MMP13: variants seen among roughly 807,000 people sequenced by gnomAD.
MMP13 encodes matrix metallopeptidase 13.
In MMP13, 45 loss-of-function variants were observed where a neutral mutation model predicts 52.1. That is an observed-to-expected ratio of 0.86 (90% CI 0.68 to 1.11). The LOEUF (loss-of-function observed/expected upper bound fraction) is 1.11, where lower values mean the gene tolerates loss of function less well. Ranked by LOEUF, MMP13 falls within the 50% of genes least tolerant of loss-of-function variation. The pLI is 0.00. For synonymous variants in MMP13, 200 were observed against 204.4 expected (o/e 0.98, Z 0.18); for missense variants, 576 against 583.8 (o/e 0.99, Z 0.14).
chr11:102,950,262 T>C, intron 5 of MMP13, 35 bp from the exon 6 acceptor site: 6 of 1,490,538 alleles, frequency 4.0e-6, no homozygotes, highest in Non-Finnish European at 5.6e-6. Flanking sequence ...AAGTTATGAG[T>C]GTGACATTAC....
At chr11:102,954,318 T>A (rs1386473210) in intron 3 of MMP13, 37 bp from the exon 4 acceptor site, 1 of 1,613,418 alleles carries the variant, frequency 6.2e-7, no homozygotes, top group Admixed American at 1.7e-5. Context: ...TCTTATCACA[T>A]CCAGGAGTAC....
chr11:102,948,262 T>C (rs1386511778), intron 7 of MMP13, among the ~76,000 whole-genome samples: 3 of 152,204 alleles, frequency 2.0e-5, no homozygotes, highest in African/African-American at 7.2e-5. Context: ...CAATTATGAA[T>C]ATAGCTAATC....
intron 9 of MMP13, chr11:102,945,152 G>A (rs544614654): frequency 7.6e-6 from 3 of 394,390 alleles, no homozygotes; most frequent in Admixed American, 2.7e-5. Flanking sequence ...GCTGAGGCAG[G>A]AGAATCTCTT....
chr11:102,951,339 C>T (rs1860608428), intron 5 of MMP13, among the ~76,000 whole-genome samples: 1 of 152,136 alleles, frequency 6.6e-6, no homozygotes, highest in Admixed American at 6.5e-5. Context: ...GCTACTTAAA[C>T]TCTACAGGGC....
rs754580422 is a variant in MMP13 at position 102,955,639 on chromosome 11, G to A, written c.67C>T (p.Pro23Ser). Residue 23 changes from proline (P) to serine (S), a missense_variant, in exon 1 of 10, where the codon CCC becomes TCC. By Grantham distance (74) the Pro-to-Ser change is moderately conservative (BLOSUM62 -1). Coordinates refer to ENST00000260302, the MANE Select transcript of MMP13 (RefSeq NM_002427.4). This position sits in a 1 kb window ranked among gnomAD's most constrained non-coding sequence, Gnocchi z 4.9. ...AAATCATCTTCATCACCACCACTGG[G>A]AAGGGGCAGGGCCCGACAATGAGTC... ...SWTHCRALPL[P>S]SGGDEDDLSE... 4.3e-6 allele frequency: 7 copies of A among 1,613,868 alleles called. No homozygotes were observed. The highest frequency in any genetic ancestry group is 1.3e-5 in the African/African-American group (1 of 74,894).
chr11:102,954,306 A>G (rs1265479352), intron 3 of MMP13, 25 bp from the exon 4 acceptor site: 24 of 1,613,502 alleles, frequency 1.5e-5, no homozygotes, highest in Non-Finnish European at 2.0e-5. Flanking sequence ...AAGGGTTAGG[A>G]GTCTTATCAC....
chr11:102,947,462 A>T (rs782593422), intron 8 of MMP13, among the ~76,000 whole-genome samples: 2 of 152,130 alleles, frequency 1.3e-5, no homozygotes, highest in African/African-American at 2.4e-5. Flanking sequence ...GCTTCTTGGG[A>T]GACTGAGACA....
In MMP13 at chr11:102,951,283, A is replaced by T. The variant is rs72985601; in HGVS notation, c.799+729T>A. ...TGAAAGAGTACTTGGAATTTCTAAAAGCCTTAGGATCTCACTTTCACCACC... is the reference window on the plus strand; with the variant it reads ...TGAAAGAGTACTTGGAATTTCTAAATGCCTTAGGATCTCACTTTCACCACC... On this transcript the variant is annotated intron_variant, in intron 5 of 9. Transcript: ENST00000260302. Among the ~76,000 whole-genome samples the T allele has an allele frequency of 3.1e-3, 467 of 152,232 alleles. 5 individuals carry two copies. Among genetic ancestry groups the T allele is most frequent in the African/African-American group, 0.011 (452 of 41,538 alleles).
chr11:102,947,474 A>G (rs560471691), intron 8 of MMP13, among the ~76,000 whole-genome samples: 1 of 152,190 alleles, frequency 6.6e-6, no homozygotes, highest in African/African-American at 2.4e-5. Flanking sequence ...ACTGAGACAC[A>G]AGACATGAGA....
chr11:102,944,201 C>T lies in MMP13; in HGVS notation c.*65G>A, dbSNP rs186374727. ...CCTGATAGCTCTTCTTCCCCTACCC[C>T]GCACTTCTGGAAGTATTACCCCAAA... is the stretch of plus-strand genomic sequence containing the variant. On this transcript the variant is annotated 3_prime_UTR_variant, in exon 10 of 10. Coordinates refer to ENST00000260302, the MANE Select transcript of MMP13 (RefSeq NM_002427.4). The T allele has an allele frequency of 4.5e-5, 54 of 1,202,936 alleles. No individual in the cohort carries two copies. The highest frequency in any genetic ancestry group is 2.1e-4 in the East Asian group (9 of 42,364). 74.5% of individuals were successfully genotyped at this position (1,202,936 alleles called of 1,614,324 possible).
rs1235079607 is a variant in MMP13, at chr11:102,952,792, C to T, written c.638-619G>A. On this transcript the variant is annotated intron_variant, in intron 4 of 9. Coordinates refer to ENST00000260302, the MANE Select transcript of MMP13 (RefSeq NM_002427.4). This position sits in a 1 kb window ranked among gnomAD's most constrained non-coding sequence, Gnocchi z 4.3. ...TCTCTACTCTAGAAGACTACTATGTCACTGTATTTACATTGTTCCCTCTAA... is the reference window on the plus strand; with the variant it reads ...TCTCTACTCTAGAAGACTACTATGTTACTGTATTTACATTGTTCCCTCTAA... Among the ~76,000 whole-genome samples, 1 of 152,134 alleles carries T rather than the reference C, an allele frequency of 6.6e-6. No individual in the cohort carries two copies. The highest frequency in any genetic ancestry group is 1.5e-5 in the Non-Finnish European group (1 of 68,016).
chr11:102,948,739 TTTC>T (rs1860557414), intron 7 of MMP13, among the ~76,000 whole-genome samples: 1 of 152,192 alleles, frequency 6.6e-6, no homozygotes, highest in South Asian at 2.1e-4. Flanking sequence ...GGTATAATGT[TTTC>T]TCAATAAACA....
chr11:102,950,350 G>GAGCCCCAGGACCTACAGC, intron 5 of MMP13, 123 bp from the exon 6 acceptor site: 1 of 821,878 alleles, frequency 1.2e-6, no homozygotes, highest in Non-Finnish European at 2.2e-6. Context: ...AAAGCTGTAG[G>GAGCCCCAGGACCTACAGC]TCCTGGGGCT....
Position 102,952,105 on chromosome 11 carries a change from G to A in MMP13, c.706C>T (p.Pro236Ser), listed in dbSNP as rs782443296. ...TAGATAGGAAACATGAGTGCTCCAG[G>A]GTCCTTGGAGTGGTCAAGACCTAAG... ...HSLGLDHSKDPGALMFPIYTY... is the reference protein window; with the variant it reads ...HSLGLDHSKDSGALMFPIYTY... Residue 236 changes from proline to serine, a missense_variant, in exon 5 of 10, where the codon CCT becomes TCT. Pro to Ser is a moderately conservative substitution (Grantham distance 74, BLOSUM62 -1). Coordinates refer to ENST00000260302, the MANE Select transcript of MMP13 (RefSeq NM_002427.4). The surrounding 1 kb of genome is among the most constrained non-coding windows in gnomAD (Gnocchi z 4.3). 4 of 1,613,248 alleles carry A rather than the reference G, an allele frequency of 2.5e-6. No individual in the cohort carries two copies. Among genetic ancestry groups the A allele is most frequent in the Non-Finnish European group, 3.4e-6 (4 of 1,179,422 alleles).
At chr11:102,947,756 G>T in intron 8 of MMP13, 135 bp downstream of exon 8, 1 of 969,770 alleles carries the variant, frequency 1.0e-6, no homozygotes, top group South Asian at 1.4e-5. Flanking sequence ...CTGCCTGAAA[G>T]AGCTGACATG....
chr11:102,954,379 A>C, intron 3 of MMP13, 79 bp downstream of exon 3: 1 of 1,595,508 alleles, frequency 6.3e-7, no homozygotes, highest in Non-Finnish European at 8.6e-7. Flanking sequence ...AAAGTAATGA[A>C]TGACTGAAAT....
chr11:102,954,051 G>T, intron 4 of MMP13, 105 bp downstream of exon 4: 1 of 1,307,000 alleles, frequency 7.7e-7, no homozygotes, highest in Non-Finnish European at 1.1e-6. Flanking sequence ...AGAAAATATA[G>T]TCAAATACCA....
At chr11:102,948,469 A>C (rs1190754798) in intron 7 of MMP13, among the ~76,000 whole-genome samples, 7 of 152,156 alleles carry the variant, frequency 4.6e-5, no homozygotes, top group African/African-American at 1.7e-4. Context: ...TTAATATTAT[A>C]AATAGTTGAA....
chr11:102,955,567 G>T lies in MMP13; in HGVS notation c.120+19C>A. 3 of 1,613,918 alleles carry T rather than the reference G, an allele frequency of 1.9e-6. No individual in the cohort carries two copies. The highest frequency in any genetic ancestry group is 2.5e-6 in the Non-Finnish European group (3 of 1,179,884). On this transcript the variant is annotated intron_variant, in intron 1 of 9. Transcript: ENST00000260302. The surrounding 1 kb of genome is among the most constrained non-coding windows in gnomAD (Gnocchi z 4.9). ...TGAGATGTACCAACCGCATCATCAGGATTGGCAAGATACTCTACCTCTGCA... is the reference window on the plus strand; with the variant it reads ...TGAGATGTACCAACCGCATCATCAGTATTGGCAAGATACTCTACCTCTGCA...
Sources: allele counts gnomAD v4.1 joint callset (sites outside exome capture counted in the v4.1 genomes callset), GRCh38; gene constraint gnomAD v4.1.1; non-coding constraint Gnocchi (gnomAD v3.1); transcripts MANE v1.5; gene names NCBI Gene and HGNC (gene_info 2026-07-23, HGNC 2026-07-21).